Variants in EMCN observed in about 807,000 individuals in gnomAD.
EMCN encodes the protein endomucin.
In EMCN, 37 loss-of-function variants were observed where a neutral mutation model predicts 38.4. The observed-to-expected ratio is 0.96, with a 90% confidence interval of 0.74 to 1.27. The LOEUF (loss-of-function observed/expected upper bound fraction) is 1.27, where lower values mean the gene tolerates loss of function less well. EMCN is among the 50% of genes most tolerant of loss of function. The probability of loss-of-function intolerance (pLI) is 0.00; values close to 1 mark genes in which losing one functional copy is unlikely to be tolerated. For synonymous variants in EMCN, 95 were observed against 100.8 expected (o/e 0.94, Z 0.35); for missense variants, 318 against 302.8 (o/e 1.05, Z -0.37).
At chr4:100,447,449 C>T in intron 5 of EMCN, 84 bp downstream of exon 5, 2 of 953,186 alleles carry the variant, frequency 2.1e-6, no homozygotes, top group Non-Finnish European at 3.3e-6. Flanking sequence ...CTCCCTGCCC[C>T]CAAACTGATT....
chr4:100,432,962 A>C (rs1727244799), intron 5 of EMCN, among the ~76,000 whole-genome samples: 1 of 152,148 alleles, frequency 6.6e-6, no homozygotes, highest in African/African-American at 2.4e-5. Flanking sequence ...ATAATTATAC[A>C]CTTTAGTTGT....
At chr4:100,484,862 A>G (rs1450335166) in intron 1 of EMCN, among the ~76,000 whole-genome samples, 2 of 152,152 alleles carry the variant, frequency 1.3e-5, no homozygotes, top group Non-Finnish European at 2.9e-5. Context: ...ACCAATTAGT[A>G]AAAAAGTTTC....
intron 8 of EMCN, among the ~76,000 whole-genome samples, chr4:100,419,526 C>A (rs796702563): frequency 2.1e-4 from 32 of 152,200 alleles, no homozygotes; most frequent in African/African-American, 7.0e-4. Context: ...AAAAGGTCAA[C>A]TTTTCAAATA....
At chr4:100,501,404 A>G (rs190664826) in intron 1 of EMCN, among the ~76,000 whole-genome samples, 3 of 152,312 alleles carry the variant, frequency 2.0e-5, no homozygotes, top group South Asian at 2.1e-4. Flanking sequence ...CTATTCATCT[A>G]TGTGGCATCA....
intron 8 of EMCN, among the ~76,000 whole-genome samples, chr4:100,418,462 G>A (rs549413162): frequency 2.0e-4 from 30 of 151,830 alleles, no homozygotes; most frequent in African/African-American, 6.0e-4. Context: ...GACTATAGTC[G>A]CCCTGTTGTG....
intron 1 of EMCN, among the ~76,000 whole-genome samples, chr4:100,517,282 T>C (rs1393596277): frequency 6.6e-6 from 1 of 152,104 alleles, no homozygotes; most frequent in Non-Finnish European, 1.5e-5. Flanking sequence ...TGTTTAGATA[T>C]GTGCATATTT....
chr4:100,423,437 A>G, intron 5 of EMCN, 33 bp from the exon 6 acceptor site: 2 of 1,462,072 alleles, frequency 1.4e-6, no homozygotes, highest in Non-Finnish European at 1.9e-6. Flanking sequence ...GAATCAGGCT[A>G]TGGTATTAAG....
At chr4:100,501,457 T>C (rs1729347913) in intron 1 of EMCN, among the ~76,000 whole-genome samples, 1 of 152,206 alleles carries the variant, frequency 6.6e-6, no homozygotes, top group East Asian at 1.9e-4. Context: ...CCAATTTGAC[T>C]GTTCTAATTA....
intron 3 of EMCN, chr4:100,473,734 G>A (rs1231631788): frequency 6.6e-6 from 1 of 152,136 alleles, no homozygotes; most frequent in East Asian, 1.9e-4. Context: ...AAACCTTGAC[G>A]ATTCTACAGC....
intron 5 of EMCN, among the ~76,000 whole-genome samples, chr4:100,443,520 T>C (rs2110238920): frequency 6.6e-6 from 1 of 152,356 alleles, no homozygotes; most frequent in Middle Eastern, 3.4e-3. Flanking sequence ...CCTGTTCTTG[T>C]CTTTCCCACA....
intron 4 of EMCN, among the ~76,000 whole-genome samples, chr4:100,452,937 C>G (rs1466821465): frequency 6.6e-6 from 1 of 152,120 alleles, no homozygotes; most frequent in Non-Finnish European, 1.5e-5. Flanking sequence ...AAAGGATTCC[C>G]TATTTAATAA....
intron 4 of EMCN, among the ~76,000 whole-genome samples, chr4:100,450,062 A>G (rs758740957): frequency 6.6e-6 from 1 of 152,052 alleles, no homozygotes; most frequent in African/African-American, 2.4e-5. Context: ...TTAATGAGTG[A>G]AGATATTTTC....
At chr4:100,444,946 T>C (rs1727627009) in intron 5 of EMCN, among the ~76,000 whole-genome samples, 1 of 152,128 alleles carries the variant, frequency 6.6e-6, no homozygotes, top group Non-Finnish European at 1.5e-5. Context: ...ACTGCATGTA[T>C]CTGTGGAGAT....
intron 8 of EMCN, among the ~76,000 whole-genome samples, chr4:100,420,600 A>T (rs1726862192): frequency 6.6e-6 from 1 of 151,976 alleles, no homozygotes; most frequent in Non-Finnish European, 1.5e-5. Context: ...AATTTCTTGG[A>T]ACAGAAAAAA....
intron 11 of EMCN, among the ~76,000 whole-genome samples, chr4:100,403,837 C>T (rs1366902368): frequency 6.6e-6 from 1 of 151,926 alleles, no homozygotes; most frequent in Non-Finnish European, 1.5e-5. Context: ...ATATTAGGCA[C>T]TTTTGCATAT....
At chr4:100,497,037 G>A (rs1199115939) in intron 1 of EMCN, among the ~76,000 whole-genome samples, 1 of 150,928 alleles carries the variant, frequency 6.6e-6, no homozygotes, top group Non-Finnish European at 1.5e-5. Context: ...CATGCTTTGA[G>A]AAATAAAGTC....
chr4:100,509,983 T>C (rs538855190), intron 1 of EMCN, among the ~76,000 whole-genome samples: 3 of 152,352 alleles, frequency 2.0e-5, no homozygotes, highest in African/African-American at 4.8e-5. Context: ...CAATACCATG[T>C]CAATATGTAT....
At chr4:100,458,094 C>T (rs571087883) in intron 4 of EMCN, among the ~76,000 whole-genome samples, 1 of 151,078 alleles carries the variant, frequency 6.6e-6, no homozygotes, top group Non-Finnish European at 1.5e-5. Context: ...CCAGCCTGGG[C>T]AACAGGGCAA....
intron 5 of EMCN, among the ~76,000 whole-genome samples, chr4:100,425,351 GC>G (rs11304866): frequency 0.64 from 94,774 of 147,034 alleles, 32,057 homozygotes; most frequent in African/African-American, 0.88. Context: ...CATGCTCAGA[GC>G]CTGATGATCT....
Sources: gnomAD v4.1 joint callset for allele counts (sites outside exome capture counted in the v4.1 genomes callset) on GRCh38, gnomAD v4.1.1 for gene constraint, MANE v1.5 for transcripts, NCBI Gene and HGNC (gene_info 2026-07-23, HGNC 2026-07-21) for gene names.